MPPED2: variants seen among roughly 807,000 people sequenced by gnomAD.
MPPED2 encodes metallophosphoesterase MPPED2.
In MPPED2, 5 loss-of-function variants were observed where a neutral mutation model predicts 33.0. The observed-to-expected ratio is 0.15, with a 90% CI of 0.08 to 0.32. The LOEUF (loss-of-function observed/expected upper bound fraction) is 0.32. Among genes scored for constraint, MPPED2 ranks in the 10% least tolerant of loss-of-function variants. The probability of loss-of-function intolerance (pLI) is 1.00; values close to 1 mark genes in which losing one functional copy is unlikely to be tolerated. For missense variants in MPPED2, 275 were observed against 372.1 expected (o/e 0.74, Z 2.15); for synonymous variants, 136 against 141.9 (o/e 0.96, Z 0.29).
chr11:30,402,887 C>A (rs1347278400), intron 6 of MPPED2, among the ~76,000 whole-genome samples: 1 of 152,202 alleles, frequency 6.6e-6, no homozygotes, highest in Admixed American at 6.5e-5. Flanking sequence ...GTGAAACCAA[C>A]ATATTGCTTC....
At chr11:30,559,210 A>G (rs1481372715) in intron 2 of MPPED2, among the ~76,000 whole-genome samples, 1 of 152,182 alleles carries the variant, frequency 6.6e-6, no homozygotes, top group African/African-American at 2.4e-5. Flanking sequence ...TCTATGCCCT[A>G]AAACACCCAG....
chr11:30,428,622 A>G (rs1948946633), intron 4 of MPPED2, among the ~76,000 whole-genome samples: 1 of 152,246 alleles, frequency 6.6e-6, no homozygotes. Context: ...TTAAGTTAAG[A>G]GGGTTAGAAG....
intron 4 of MPPED2, among the ~76,000 whole-genome samples, chr11:30,472,677 G>A (rs906391477): frequency 3.9e-5 from 6 of 152,196 alleles, no homozygotes; most frequent in African/African-American, 1.4e-4. Context: ...GGACAAATGT[G>A]TAATTCCACT....
At chr11:30,494,663 A>G (rs2470482) in intron 4 of MPPED2, among the ~76,000 whole-genome samples, 145,052 of 148,270 alleles carry the variant, frequency 0.98, 71,001 homozygotes, top group Middle Eastern at 1. Context: ...GCTCGAACCC[A>G]GGAGGCGGAG....
intron 2 of MPPED2, among the ~76,000 whole-genome samples, chr11:30,551,372 G>A (rs931074375): frequency 6.6e-6 from 1 of 152,156 alleles, no homozygotes; most frequent in African/African-American, 2.4e-5. Flanking sequence ...TATAAATCAT[G>A]AGGCCTCTGT....
downstream of MPPED2, among the ~76,000 whole-genome samples, chr11:30,408,628 G>T (rs1948027619): frequency 6.6e-6 from 1 of 152,104 alleles, no homozygotes; most frequent in Admixed American, 6.6e-5. Flanking sequence ...CTCTCAGAGG[G>T]CATCCATCAA....
downstream of MPPED2, among the ~76,000 whole-genome samples, chr11:30,408,909 G>C (rs925973432): frequency 6.6e-6 from 1 of 152,186 alleles, no homozygotes; most frequent in Admixed American, 6.5e-5. Flanking sequence ...GTAAGGCCCA[G>C]TGTAGAAAGC....
intron 3 of MPPED2, among the ~76,000 whole-genome samples, chr11:30,502,262 C>T (rs1467139991): frequency 6.6e-6 from 1 of 152,178 alleles, no homozygotes; most frequent in Non-Finnish European, 1.5e-5. Flanking sequence ...TAAAGTTTGA[C>T]TTAAGGCCTA....
intron 3 of MPPED2, among the ~76,000 whole-genome samples, chr11:30,512,473 AAAAC>A (rs780804560): frequency 1.3e-5 from 2 of 152,180 alleles, no homozygotes; most frequent in African/African-American, 2.4e-5. Context: ...TTGAATTTAC[AAAAC>A]AAACAAACAA....
rs566829173 is a variant in MPPED2 at position 30,434,749 on chromosome 11, C to T, written c.537-17116G>A. ...AAGCTCTCAGTAAGTGATACCTTTC[C>T]GTTTTGTTGCTATTCACCATCACTG... On this transcript the variant is annotated intron_variant, in intron 4 of 6. Coordinates refer to ENST00000358117, the MANE Select transcript of MPPED2 (RefSeq NM_001584.3). 1.0e-3 allele frequency among the ~76,000 whole-genome samples: 155 copies of T among 152,260 alleles called. 1 individual carries two copies. The highest frequency in any genetic ancestry group is 3.3e-3 in the African/African-American group (139 of 41,556).
chr11:30,419,497 T>A (rs1948517121), intron 4 of MPPED2, among the ~76,000 whole-genome samples: 1 of 152,180 alleles, frequency 6.6e-6, no homozygotes. Flanking sequence ...AATAACATAG[T>A]GGAGTGGATA....
chr11:30,422,228 G>T (rs1247975829), intron 4 of MPPED2, among the ~76,000 whole-genome samples: 1 of 152,190 alleles, frequency 6.6e-6, no homozygotes, highest in Non-Finnish European at 1.5e-5. Context: ...AAATGCAAAG[G>T]TGGGGACTGG....
chr11:30,402,023 G>T (rs891797125), intron 6 of MPPED2, among the ~76,000 whole-genome samples: 2 of 152,040 alleles, frequency 1.3e-5, no homozygotes, highest in East Asian at 1.9e-4. Flanking sequence ...AAGGGCTAAC[G>T]TATACCTCCT....
intron 3 of MPPED2, among the ~76,000 whole-genome samples, chr11:30,524,989 T>A (rs1229346662): frequency 6.6e-6 from 1 of 152,068 alleles, no homozygotes; most frequent in Non-Finnish European, 1.5e-5. Context: ...ATTAGAATAA[T>A]CTCCTAGGTT....
chr11:30,464,500 CTTG>C (rs35917275), intron 4 of MPPED2, among the ~76,000 whole-genome samples: 12,328 of 152,156 alleles, frequency 0.081, 638 homozygotes, highest in South Asian at 0.24. Context: ...CCTTTAGTTT[CTTG>C]TTGTACTTGA....
At chr11:30,450,280 C>T (rs12363314) in intron 4 of MPPED2, among the ~76,000 whole-genome samples, 31,588 of 152,204 alleles carry the variant, frequency 0.21, 4,084 homozygotes, top group Non-Finnish European at 0.3. Context: ...AAAACCCGCC[C>T]TCATGGGGTT....
chr11:30,495,649 T>C, intron 3 of MPPED2, 128 bp from the exon 4 acceptor site: 1 of 661,166 alleles, frequency 1.5e-6, no homozygotes. Context: ...TACATTTCCA[T>C]GTGAACTGGA....
At chr11:30,432,117 C>T (rs369179865) in intron 4 of MPPED2, among the ~76,000 whole-genome samples, 21 of 151,216 alleles carry the variant, frequency 1.4e-4, no homozygotes, top group African/African-American at 4.9e-4. Flanking sequence ...TTCAAGGAGC[C>T]GAGATCGCGC....
At chr11:30,477,759 A>G (rs1053238409) in intron 4 of MPPED2, among the ~76,000 whole-genome samples, 1 of 152,026 alleles carries the variant, frequency 6.6e-6, no homozygotes, top group Non-Finnish European at 1.5e-5. Context: ...CAAATTTCGG[A>G]AAGATTTTCT....
Sources: allele counts gnomAD v4.1 joint callset (sites outside exome capture counted in the v4.1 genomes callset), GRCh38; gene constraint gnomAD v4.1.1; transcripts MANE v1.5; gene names NCBI Gene and HGNC (gene_info 2026-07-23, HGNC 2026-07-21).